The following TWIST2 variants were observed in gnomAD, a reference collection of about 807,000 sequenced individuals.
TWIST2 encodes the protein twist-related protein 2.
TWIST2 carries 1 observed loss-of-function variant against 11.6 expected under a neutral mutation model. That is an observed-to-expected ratio of 0.09 (90% CI 0.03 to 0.41). The LOEUF is 0.41. TWIST2 is among the 10% of genes least tolerant of loss of function. The probability of loss-of-function intolerance (pLI) is 0.98; values close to 1 mark genes in which losing one functional copy is unlikely to be tolerated. For synonymous variants in TWIST2, 87 were observed against 96.6 expected (o/e 0.90, Z 0.58); for missense variants, 168 against 226.4 (o/e 0.74, Z 1.66).
rs1692547241 is a variant in TWIST2, at chr2:238,866,864, C to G, written c.*35+18131C>G. On this transcript the variant is annotated intron_variant, in intron 1 of 1. Coordinates refer to ENST00000612363, the MANE Select transcript of TWIST2 (RefSeq NM_001271893.4). This position sits in a 1 kb window ranked among gnomAD's most constrained non-coding sequence, Gnocchi z 4.9. ...CAGCTGCGACGGTTTGTCTGCCTGT[C>G]ACCCCGGGAGCACCTTCAGGACTGT... 6.6e-6 allele frequency among the ~76,000 whole-genome samples: 1 copy of G among 152,132 alleles called. No homozygotes were observed. The highest frequency in any genetic ancestry group is 2.4e-5 in the African/African-American group (1 of 41,422).
At chr2:238,900,370 GC>G (rs1693254695) in intron 1 of TWIST2, among the ~76,000 whole-genome samples, 1 of 152,172 alleles carries the variant, frequency 6.6e-6, no homozygotes, top group Non-Finnish European at 1.5e-5. Context: ...TGTAGGGGTT[GC>G]ACACCCCCTG....
intron 1 of TWIST2, among the ~76,000 whole-genome samples, chr2:238,895,622 G>A (rs1239359454): frequency 2.6e-5 from 4 of 152,192 alleles, no homozygotes; most frequent in African/African-American, 4.8e-5. Context: ...AGTTGGGAGC[G>A]GTCCCTTTGC....
intron 1 of TWIST2, among the ~76,000 whole-genome samples, chr2:238,869,144 G>A (rs1024935643): frequency 1.5e-4 from 23 of 152,308 alleles, no homozygotes; most frequent in African/African-American, 3.8e-4. Flanking sequence ...CTTCCGAAGC[G>A]AGCAACGTGG....
At chr2:238,854,850 G>T (rs1692301531) in intron 1 of TWIST2, among the ~76,000 whole-genome samples, 1 of 152,182 alleles carries the variant, frequency 6.6e-6, no homozygotes, top group East Asian at 1.9e-4. Flanking sequence ...AGCTTTCTTT[G>T]TCTGTTCTAC....
rs541311497 is a variant in TWIST2 at position 238,850,453 on chromosome 2, T to A, written c.*35+1720T>A. On this transcript the variant is annotated intron_variant, in intron 1 of 1. Coordinates refer to ENST00000612363, the MANE Select transcript of TWIST2 (RefSeq NM_001271893.4). ...AAGAACAAACAGATGAGGAATGTCA[T>A]CTTTTTAAAAACACACACATTGAGC... Among the ~76,000 whole-genome samples the A allele has an allele frequency of 3.9e-5, 6 of 152,364 alleles. No homozygotes were observed. The South Asian group carries it at 1.2e-3, about 32-fold the overall frequency.
intron 1 of TWIST2, among the ~76,000 whole-genome samples, chr2:238,873,115 A>G (rs1692738313): frequency 6.6e-6 from 1 of 152,216 alleles, no homozygotes; most frequent in African/African-American, 2.4e-5. Flanking sequence ...AACAAAGAAG[A>G]CAAGGATGCC....
intron 1 of TWIST2, chr2:238,886,770 TC>T (rs1039004712): frequency 3.3e-5 from 5 of 151,964 alleles, no homozygotes; most frequent in African/African-American, 1.2e-4. Context: ...AAGAGACTCT[TC>T]CCACCAGAGG....
At chr2:238,898,706 C>T (rs961747456) in intron 1 of TWIST2, among the ~76,000 whole-genome samples, 1 of 152,232 alleles carries the variant, frequency 6.6e-6, no homozygotes, top group African/African-American at 2.4e-5. Context: ...CCCATGTCGG[C>T]CCAGCCTTCC....
At chr2:238,884,994 T>G (rs34009194) in intron 1 of TWIST2, among the ~76,000 whole-genome samples, 2 of 152,160 alleles carry the variant, frequency 1.3e-5, no homozygotes, top group African/African-American at 4.8e-5. Flanking sequence ...GAAGAGAATG[T>G]CCACACGCTC....
At chr2:238,892,270 G>A (rs972569459) in intron 1 of TWIST2, among the ~76,000 whole-genome samples, 1 of 152,218 alleles carries the variant, frequency 6.6e-6, no homozygotes. Context: ...CAGAGGTCCA[G>A]GTGGAAATGC....
intron 1 of TWIST2, among the ~76,000 whole-genome samples, chr2:238,868,078 C>T (rs1215120779): frequency 6.6e-6 from 1 of 152,192 alleles, no homozygotes; most frequent in Non-Finnish European, 1.5e-5. Flanking sequence ...GGCTGGCATT[C>T]CGGAATTACC....
intron 1 of TWIST2, among the ~76,000 whole-genome samples, chr2:238,877,414 C>G (rs1233255094): frequency 6.6e-6 from 1 of 152,060 alleles, no homozygotes; most frequent in Admixed American, 6.5e-5. Flanking sequence ...ACCTTGCTGT[C>G]TACCCCATAT....
intron 1 of TWIST2, among the ~76,000 whole-genome samples, chr2:238,895,495 G>A (rs901645986): frequency 1.5e-4 from 23 of 152,250 alleles, no homozygotes; most frequent in African/African-American, 5.5e-4. Context: ...ATCTGGAGAA[G>A]TTGTGACTCA....
chr2:238,857,069 TCTG>T (rs577330444), intron 1 of TWIST2, among the ~76,000 whole-genome samples: 3 of 152,118 alleles, frequency 2.0e-5, no homozygotes, highest in Non-Finnish European at 4.4e-5. Context: ...CAGGGGGCCA[TCTG>T]CTGTGCCTGG....
intron 1 of TWIST2, among the ~76,000 whole-genome samples, chr2:238,880,228 T>A (rs143191787): frequency 4.2e-4 from 64 of 152,022 alleles, no homozygotes; most frequent in African/African-American, 1.2e-3. Context: ...TTAGTGTTAG[T>A]ATTTATTAGT....
intron 1 of TWIST2, among the ~76,000 whole-genome samples, chr2:238,885,229 G>A (rs545396433): frequency 1.5e-4 from 22 of 151,554 alleles, no homozygotes; most frequent in African/African-American, 4.3e-4. Context: ...CTCGTTTGCA[G>A]GCTGGAGGGC....
chr2:238,853,738 T>C (rs1161512780), intron 1 of TWIST2, among the ~76,000 whole-genome samples: 2 of 152,202 alleles, frequency 1.3e-5, no homozygotes, highest in Non-Finnish European at 2.9e-5. Flanking sequence ...GGATCTGAAA[T>C]TGGAAAAGCC....
At chr2:238,899,634 A>G (rs2106372526) in intron 1 of TWIST2, among the ~76,000 whole-genome samples, 1 of 152,338 alleles carries the variant, frequency 6.6e-6, no homozygotes, top group East Asian at 1.9e-4. Flanking sequence ...CCATCCCGGC[A>G]TGCTCTCACC....
chr2:238,905,952 TGTGTACGTGTGCGTGTGTGTGCGCGCGC>T (rs1356891698), intron 1 of TWIST2, among the ~76,000 whole-genome samples: 2 of 114,486 alleles, frequency 1.7e-5, no homozygotes, highest in African/African-American at 6.8e-5. Context: ...TGCGCGCGCG[TGTGTACGTGTGCGTGTGTGTGCGCGCGC>T]GTGTACGTGC....
Sources: allele counts gnomAD v4.1 joint callset (sites outside exome capture counted in the v4.1 genomes callset), GRCh38; gene constraint gnomAD v4.1.1; non-coding constraint Gnocchi (gnomAD v3.1); transcripts MANE v1.5; gene names NCBI Gene and HGNC (gene_info 2026-07-23, HGNC 2026-07-21).